FAM174A: variants seen among roughly 807,000 people sequenced by gnomAD.
FAM174A encodes membrane protein FAM174A.
FAM174A carries 14 observed loss-of-function variants against 14.3 expected under a neutral mutation model. The ratio of observed to expected loss-of-function variants is 0.98; its 90% confidence interval spans 0.65 to 1.53. The LOEUF is 1.53. Ranked by LOEUF, FAM174A falls within the 40% of genes most tolerant of loss-of-function variation. FAM174A has a pLI of 0.00. For missense variants in FAM174A, 241 were observed against 249.6 expected (o/e 0.97, Z 0.23); for synonymous variants, 108 against 111.4 (o/e 0.97, Z 0.19).
chr5:100,585,473 G>A (rs1190636033), intron 2 of FAM174A, among the ~76,000 whole-genome samples: 1 of 152,016 alleles, frequency 6.6e-6, no homozygotes, highest in Non-Finnish European at 1.5e-5. Flanking sequence ...GAATACGGTG[G>A]CACAATCTCT....
intron 2 of FAM174A, chr5:100,581,239 T>C (rs1182423799): frequency 2.8e-6 from 1 of 359,720 alleles, no homozygotes; most frequent in African/African-American, 2.2e-5. Flanking sequence ...CTGCGGCATT[T>C]TTTTTGAGTC....
intron 1 of FAM174A, among the ~76,000 whole-genome samples, chr5:100,550,017 A>G (rs1746233364): frequency 6.6e-6 from 1 of 152,250 alleles, no homozygotes; most frequent in Admixed American, 6.5e-5. Context: ...TAGTACAAAA[A>G]GCCAGTTTGG....
chr5:100,583,176 C>T (rs961454206), intron 2 of FAM174A, among the ~76,000 whole-genome samples: 4 of 151,966 alleles, frequency 2.6e-5, no homozygotes, highest in Admixed American at 6.6e-5. Flanking sequence ...CTTGTCTTCA[C>T]GTTGAGTAGG....
rs746647890 is a variant in FAM174A at position 100,535,753 on chromosome 5, G to T, written c.223G>T (p.Gly75Trp). 3.7e-6 allele frequency: 6 copies of T among 1,604,298 alleles called. No homozygotes were observed. Among genetic ancestry groups the T allele is most frequent in the Non-Finnish European group, 5.1e-6 (6 of 1,177,706 alleles). ...GGGCCGTGGTCTGGCTGAAGCTGCG[G>T]GGCCGCGGGGCTCCGAGGGAGGCAA... ...QPGRGLAEAA[G>W]PRGSEGGNGS... The change falls in exon 1 of 3, where the codon GGG becomes TGG. Residue 75 changes from glycine to tryptophan, a missense_variant. Gly to Trp is a radical substitution (Grantham distance 184). Coordinates refer to ENST00000312637, the MANE Select transcript of FAM174A (RefSeq NM_198507.3).
rs796163726 is a variant in FAM174A, at chr5:100,580,629, C to T, written c.570-5552C>T. On this transcript the variant is annotated intron_variant, in intron 2 of 2. Coordinates refer to ENST00000312637, the MANE Select transcript of FAM174A (RefSeq NM_198507.3). ...CACCCCAGATTAAGAGTGGATCTGC[C>T]GCTCTGAGTCCACTGACTCAAATGT... 3.3e-5 allele frequency among the ~76,000 whole-genome samples: 5 copies of T among 152,318 alleles called. 1 individual carries two copies. The highest frequency in any genetic ancestry group is 9.6e-5 in the African/African-American group (4 of 41,568).
chr5:100,554,230 C>G (rs553495830), intron 1 of FAM174A, among the ~76,000 whole-genome samples: 1 of 150,752 alleles, frequency 6.6e-6, no homozygotes, highest in Non-Finnish European at 1.5e-5. Flanking sequence ...TTTTTAAAAT[C>G]AAACAATTGC....
At chr5:100,581,529 G>C (rs113151035) in intron 2 of FAM174A, 1 of 226,254 alleles carries the variant, frequency 4.4e-6, no homozygotes, top group African/African-American at 2.3e-5. Flanking sequence ...AAGGTGGGCG[G>C]ATCACTTGAG....
intron 1 of FAM174A, among the ~76,000 whole-genome samples, chr5:100,538,508 CAT>C (rs1311845903): frequency 5.3e-5 from 8 of 150,258 alleles, no homozygotes; most frequent in East Asian, 1.9e-4. Flanking sequence ...AAATACAAAA[CAT>C]ATATATATAT....
At chr5:100,585,127 G>C (rs1179585885) in intron 2 of FAM174A, among the ~76,000 whole-genome samples, 1 of 152,116 alleles carries the variant, frequency 6.6e-6, no homozygotes, top group African/African-American at 2.4e-5. Context: ...AACAACGCTT[G>C]AGCTCACCAT....
Position 100,584,056 on chromosome 5 carries a change from A to C in FAM174A, c.570-2125A>C, listed in dbSNP as rs117210077. On this transcript the variant is annotated intron_variant, in intron 2 of 2. Transcript: ENST00000312637. ...CAAAATCAAAAGAACTTTAAAAGTC[A>C]GTCCCCTACTAGCAATGTACTTCTG... 4.0e-4 allele frequency among the ~76,000 whole-genome samples: 61 copies of C among 152,332 alleles called. No homozygotes were observed. The East Asian group carries it at 9.1e-3, about 23-fold the overall frequency.
At chr5:100,556,126 G>A (rs1198780667) in intron 1 of FAM174A, among the ~76,000 whole-genome samples, 2 of 152,170 alleles carry the variant, frequency 1.3e-5, no homozygotes, top group African/African-American at 4.8e-5. Context: ...TGTATAAGGT[G>A]TAAGGAAGGG....
chr5:100,573,402 T>C (rs1202073268), intron 2 of FAM174A, among the ~76,000 whole-genome samples: 2 of 152,058 alleles, frequency 1.3e-5, no homozygotes, highest in East Asian at 3.8e-4. Flanking sequence ...CGTTTAAGTC[T>C]TTAATCCATC....
In FAM174A at chr5:100,535,454, C is replaced by T. The variant is rs553966712; in HGVS notation, c.-77C>T. Reference sequence around the variant, plus strand: ...TTGGTCACCTCTGCTTCATTCTCCACCGCGCCTATGGTCCCTCTTGGAGCC... The same window carrying T: ...TTGGTCACCTCTGCTTCATTCTCCATCGCGCCTATGGTCCCTCTTGGAGCC... On this transcript the variant is annotated 5_prime_UTR_variant, in exon 1 of 3. Transcript: ENST00000312637. 8.4e-5 allele frequency: 128 copies of T among 1,520,124 alleles called. No individual in the cohort carries two copies. In the African/African-American group the frequency reaches 1.6e-3, roughly 19 times the overall value. 94.2% of individuals were successfully genotyped at this position (1,520,124 alleles called of 1,614,324 possible). A position where few individuals can be genotyped will look rare whatever the true frequency, so the allele number is the denominator to read the frequency against.
chr5:100,584,680 A>C (rs533345803), intron 2 of FAM174A, among the ~76,000 whole-genome samples: 1 of 152,334 alleles, frequency 6.6e-6, no homozygotes, highest in Admixed American at 6.5e-5. Flanking sequence ...ACAAAAGCTT[A>C]ATTTTCAATA....
At chr5:100,544,536 C>T (rs1371077423) in intron 1 of FAM174A, among the ~76,000 whole-genome samples, 2 of 152,080 alleles carry the variant, frequency 1.3e-5, no homozygotes, top group African/African-American at 2.4e-5. Flanking sequence ...GAAATCAAAA[C>T]ATGTAAATGA....
At chr5:100,557,352 G>A (rs1464165830) in intron 1 of FAM174A, among the ~76,000 whole-genome samples, 4 of 151,940 alleles carry the variant, frequency 2.6e-5, no homozygotes, top group Non-Finnish European at 5.9e-5. Context: ...ATTTTATTGA[G>A]GATTTTTGCA....
intron 2 of FAM174A, among the ~76,000 whole-genome samples, chr5:100,574,901 G>T (rs1394805012): frequency 6.6e-6 from 1 of 152,138 alleles, no homozygotes; most frequent in African/African-American, 2.4e-5. Context: ...ACTGCAGGAC[G>T]TATTAGAGAC....
chr5:100,553,184 TA>T (rs1387857624), intron 1 of FAM174A, among the ~76,000 whole-genome samples: 5 of 152,108 alleles, frequency 3.3e-5, no homozygotes, highest in Non-Finnish European at 7.4e-5. Context: ...ATTGCACAGA[TA>T]TTAAAGCTCT....
At chr5:100,538,199 T>G (rs943957806) in intron 1 of FAM174A, among the ~76,000 whole-genome samples, 1 of 152,164 alleles carries the variant, frequency 6.6e-6, no homozygotes, top group Non-Finnish European at 1.5e-5. Flanking sequence ...CAGATTATGG[T>G]TTTCTTCATT....
Sources: gnomAD v4.1 joint callset for allele counts (sites outside exome capture counted in the v4.1 genomes callset) on GRCh38, gnomAD v4.1.1 for gene constraint, MANE v1.5 for transcripts, NCBI Gene and HGNC (gene_info 2026-07-23, HGNC 2026-07-21) for gene names.